The following PKD2 variants were observed in gnomAD, a reference collection of about 807,000 sequenced individuals.
PKD2 encodes polycystin-2.
A neutral mutation model predicts 105.9 loss-of-function variants in PKD2; 48 were observed. The ratio of observed to expected loss-of-function variants is 0.45; its 90% CI spans 0.36 to 0.58. The LOEUF is 0.58. Among genes scored for constraint, PKD2 ranks in the 20% least tolerant of loss-of-function variants. The pLI, the probability that PKD2 is intolerant of heterozygous loss-of-function variation, is 0.00. For synonymous variants in PKD2, 464 were observed against 481.1 expected, an observed-to-expected ratio of 0.96 and a Z score of 0.46; for missense variants, 1,078 against 1,255.3, an observed-to-expected ratio of 0.86 and a Z score of 2.13.
intron 13 of PKD2, among the ~76,000 whole-genome samples, chr4:88,068,656 A>G (rs1560628651): frequency 6.6e-6 from 1 of 152,204 alleles, no homozygotes; most frequent in African/African-American, 2.4e-5. Flanking sequence ...ATATATTTTT[A>G]TGGCCTAACA....
chr4:88,040,286 C>T (rs532813498), intron 4 of PKD2, among the ~76,000 whole-genome samples: 21 of 152,234 alleles, frequency 1.4e-4, no homozygotes, highest in African/African-American at 3.9e-4. Context: ...GGTGGCTTGT[C>T]GACGCTCTCA....
At chr4:88,045,887 A>T (rs929765330) in intron 5 of PKD2, among the ~76,000 whole-genome samples, 1 of 152,226 alleles carries the variant, frequency 6.6e-6, no homozygotes, top group Non-Finnish European at 1.5e-5. Context: ...CTATCTTTAT[A>T]TATGTACAAA....
At chr4:88,013,436 C>T (rs754162949) in intron 1 of PKD2, among the ~76,000 whole-genome samples, 6 of 152,164 alleles carry the variant, frequency 3.9e-5, no homozygotes, top group Non-Finnish European at 5.9e-5. Context: ...TAAGGCCAGG[C>T]ACAGCCGCTC....
rs1186029391 is a variant in PKD2, at chr4:88,007,935, C to A, written c.202C>A (p.Pro68Thr). The change falls in exon 1 of 15, where the codon CCG becomes ACG. Residue 68 changes from proline (P) to threonine (T), a missense_variant. Pro to Thr is a conservative substitution (Grantham distance 38). This residue lies in a region of PKD2 where 210 missense variants were observed against 187.9 expected (regional missense o/e 1.12). Coordinates refer to ENST00000237596, the MANE Select transcript of PKD2 (RefSeq NM_000297.4). ...RIRQAAARDP[P>T]AGAAASPSPP... ...CCGGCAGGCGGCCGCGCGGGACCCCCCGGCCGGAGCCGCGGCCTCCCCTTC... is the reference window on the plus strand; with the variant it reads ...CCGGCAGGCGGCCGCGCGGGACCCCACGGCCGGAGCCGCGGCCTCCCCTTC... 6.8e-7 allele frequency: 1 copy of A among 1,461,782 alleles called. No homozygotes were observed. Among genetic ancestry groups the A allele is most frequent in the Admixed American group, 2.2e-5 (1 of 45,098 alleles). 90.6% of individuals were successfully genotyped at this position (1,461,782 alleles called of 1,614,324 possible).
At chr4:88,052,858 CTT>C (rs1720161465) in intron 7 of PKD2, among the ~76,000 whole-genome samples, 1 of 152,150 alleles carries the variant, frequency 6.6e-6, no homozygotes, top group Non-Finnish European at 1.5e-5. Flanking sequence ...GGGATCGCCT[CTT>C]TTCCAGGTAG....
intron 8 of PKD2, among the ~76,000 whole-genome samples, chr4:88,057,497 G>A (rs945488403): frequency 1.4e-5 from 2 of 147,066 alleles, no homozygotes; most frequent in East Asian, 2.0e-4. Flanking sequence ...GTGCAGCGGT[G>A]TAATCTCAGC....
chr4:88,058,569 G>A (rs981700434), intron 9 of PKD2, among the ~76,000 whole-genome samples: 6 of 152,026 alleles, frequency 3.9e-5, no homozygotes, highest in Admixed American at 3.9e-4. Flanking sequence ...AAATAAGAAC[G>A]GAAAAGCAAG....
At position 88,038,463 on chromosome 4, in the gene PKD2, T is replaced by C. The variant is rs750382312; in HGVS notation, c.1056T>C (p.Ser352=). 1 of 1,613,664 alleles carries C rather than the reference T, an allele frequency of 6.2e-7. No homozygotes were observed. Among genetic ancestry groups the C allele is most frequent in the African/African-American group, 1.3e-5 (1 of 74,928 alleles). ...KECYDVYSVS[S]EDRAPFGPRN... ...GCTATGATGTCTACTCTGTCAGTAG[T>C]GAAGATAGGGCTCCCTTTGGGCCCC... The change falls in exon 4 of 15, where the codon AGT becomes AGC. Residue 352 remains serine, a synonymous_variant. Coordinates refer to ENST00000237596, the MANE Select transcript of PKD2 (RefSeq NM_000297.4).
At chr4:88,011,775 A>C (rs1362694568) in intron 1 of PKD2, among the ~76,000 whole-genome samples, 1 of 151,608 alleles carries the variant, frequency 6.6e-6, no homozygotes, top group Non-Finnish European at 1.5e-5. Flanking sequence ...CACCGCTCTT[A>C]GTTGCTGTTC....
chr4:88,039,592 G>C (rs1468554405), intron 4 of PKD2, among the ~76,000 whole-genome samples: 5 of 151,358 alleles, frequency 3.3e-5, no homozygotes, highest in Non-Finnish European at 5.9e-5. Flanking sequence ...TTGAGCCCGA[G>C]TGGTGGGGGT....
chr4:88,011,921 C>A (rs753725684), intron 1 of PKD2, among the ~76,000 whole-genome samples: 61 of 150,386 alleles, frequency 4.1e-4, no homozygotes, highest in Non-Finnish European at 6.3e-4. Context: ...GCAGTTTTGC[C>A]CCTCAGGGGA....
chr4:88,024,077 G>A (rs938690908), intron 2 of PKD2, among the ~76,000 whole-genome samples: 1 of 152,088 alleles, frequency 6.6e-6, no homozygotes, highest in African/African-American at 2.4e-5. Flanking sequence ...ATATACATGG[G>A]TTACTGTTAT....
intron 9 of PKD2, among the ~76,000 whole-genome samples, chr4:88,061,136 A>G (rs1202145159): frequency 6.6e-6 from 1 of 152,164 alleles, no homozygotes; most frequent in Non-Finnish European, 1.5e-5. Flanking sequence ...AATTTCATAT[A>G]TGATTATACA....
intron 1 of PKD2, among the ~76,000 whole-genome samples, chr4:88,009,477 A>C (rs56309286): frequency 0.029 from 4,092 of 139,042 alleles, 67 homozygotes; most frequent in South Asian, 0.057. Context: ...CCTCTCTGAT[A>C]CCCAATTTTT....
chr4:88,007,896 G>C lies in PKD2; in HGVS notation c.163G>C (p.Glu55Gln), dbSNP rs1431720565. The change falls in exon 1 of 15, where the codon GAG becomes CAG. Residue 55 changes from glutamate to glutamine, a missense_variant. Glu to Gln is a conservative substitution (Grantham distance 29). This residue lies in a region of PKD2 where 210 missense variants were observed against 187.9 expected (regional missense o/e 1.12). Coordinates refer to ENST00000237596, the MANE Select transcript of PKD2 (RefSeq NM_000297.4). ...CTGCGAGCAGCGGGGCCTGGAGATC[G>C]AGATGCAGCGCATCCGGCAGGCGGC... ...GLCEQRGLEI[E>Q]MQRIRQAAAR... 4 of 1,404,272 alleles carry C rather than the reference G, an allele frequency of 2.8e-6. No individual in the cohort carries two copies. Among genetic ancestry groups the C allele is most frequent in the Non-Finnish European group, 3.7e-6 (4 of 1,072,474 alleles). 87.0% of individuals were successfully genotyped at this position (1,404,272 alleles called of 1,614,324 possible). A position where few individuals can be genotyped will look rare whatever the true frequency, so the allele number is the denominator to read the frequency against.
intron 9 of PKD2, among the ~76,000 whole-genome samples, chr4:88,058,822 A>G (rs887905173): frequency 2.0e-5 from 3 of 152,136 alleles, no homozygotes; most frequent in Middle Eastern, 3.2e-3. Flanking sequence ...CCCTAAGTCA[A>G]TTAAGTTTTT....
chr4:88,014,640 T>G (rs920861653), intron 1 of PKD2, among the ~76,000 whole-genome samples: 3 of 152,246 alleles, frequency 2.0e-5, no homozygotes, highest in Admixed American at 6.5e-5. Context: ...ATTGTGTTCA[T>G]TCTTCTAAAC....
At position 88,048,918 on chromosome 4, in the gene PKD2, A is replaced by G. The variant is rs376023919; in HGVS notation, c.1548+2048A>G. Among the ~76,000 whole-genome samples, 5 of 152,348 alleles carry G rather than the reference A, an allele frequency of 3.3e-5. No homozygotes were observed. The East Asian group carries it at 5.8e-4, about 18-fold the overall frequency. ...AGAGTGCAGGCCATATACATTGACA[A>G]TTATTCCAGAACACAATTATTGTTT... On this transcript the variant is annotated intron_variant, in intron 6 of 14. Coordinates refer to ENST00000237596, the MANE Select transcript of PKD2 (RefSeq NM_000297.4).
chr4:88,063,515 G>A (rs1042984170), intron 10 of PKD2, among the ~76,000 whole-genome samples: 1 of 148,166 alleles, frequency 6.7e-6, no homozygotes, highest in African/African-American at 2.5e-5. Flanking sequence ...TGGGTAACAA[G>A]AGCGAAACTC....
Sources: gnomAD v4.1 joint callset for allele counts (sites outside exome capture counted in the v4.1 genomes callset) on GRCh38, gnomAD v4.1.1 for gene constraint, gnomAD v4.1.1 regional missense constraint, MANE v1.5 for transcripts, NCBI Gene and HGNC (gene_info 2026-07-23, HGNC 2026-07-21) for gene names.